Variants in MYT1L observed in about 807,000 individuals in gnomAD.
The protein encoded by MYT1L is myelin transcription factor 1 like.
Under a neutral mutation model 126.7 loss-of-function variants are expected in MYT1L, and 12 were observed. The observed-to-expected ratio is 0.09, with a 90% CI of 0.06 to 0.15. The LOEUF is 0.15. MYT1L is among the 10% of genes least tolerant of loss of function. The probability of loss-of-function intolerance (pLI) is 1.00; values close to 1 mark genes in which losing one functional copy is unlikely to be tolerated. For missense variants in MYT1L, 979 were observed against 1,585.2 expected (o/e 0.62, Z 6.49); for synonymous variants, 541 against 604.2 (o/e 0.90, Z 1.53).
chr2:2,241,517 C>T (rs1277451259), intron 2 of MYT1L, among the ~76,000 whole-genome samples: 1 of 152,192 alleles, frequency 6.6e-6, no homozygotes, highest in Admixed American at 6.5e-5. Flanking sequence ...AGCTGGGAGG[C>T]CACATGTTGC....
At position 1,979,673 on chromosome 2, in the gene MYT1L, A is replaced by G; in HGVS notation, c.55+50T>C. 1.2e-6 allele frequency: 2 copies of G among 1,611,984 alleles called. No individual in the cohort carries two copies. The highest frequency in any genetic ancestry group is 1.7e-6 in the Non-Finnish European group (2 of 1,178,110). ...TCAGAATCGACCTCAGTTCCGCAGG[A>G]TGAAGGTGACCCTGAGCCGGCCTCA... On this transcript the variant is annotated intron_variant, in intron 6 of 24. Transcript: ENST00000647738. The surrounding 1 kb of genome is among the most constrained non-coding windows in gnomAD (Gnocchi z 4.0).
chr2:2,043,027 G>T (rs1175142110), intron 4 of MYT1L, among the ~76,000 whole-genome samples: 1 of 152,158 alleles, frequency 6.6e-6, no homozygotes, highest in African/African-American at 2.4e-5. Flanking sequence ...CCTAAAACTT[G>T]TCAGCTGTGA....
intron 8 of MYT1L, among the ~76,000 whole-genome samples, chr2:1,973,925 C>T (rs1409020663): frequency 6.6e-6 from 1 of 152,220 alleles, no homozygotes. Context: ...CCTTCCCAGC[C>T]AGCAAACTGC....
intron 2 of MYT1L, among the ~76,000 whole-genome samples, chr2:2,277,665 A>G (rs2095384192): frequency 6.6e-6 from 1 of 152,232 alleles, no homozygotes; most frequent in African/African-American, 2.4e-5. Flanking sequence ...AAAAGAAATA[A>G]TTACAGGATT....
At chr2:2,211,540 G>A (rs2093507365) in intron 2 of MYT1L, among the ~76,000 whole-genome samples, 1 of 152,072 alleles carries the variant, frequency 6.6e-6, no homozygotes, top group African/African-American at 2.4e-5. Context: ...AGGTGCAGTG[G>A]CTCATGCCTG....
At chr2:2,165,305 C>A (rs539265039) in intron 3 of MYT1L, among the ~76,000 whole-genome samples, 2 of 149,300 alleles carry the variant, frequency 1.3e-5, no homozygotes, top group Non-Finnish European at 1.5e-5. Context: ...CACACACACA[C>A]ACGTGCACAC....
chr2:2,113,246 G>A (rs1321849439), intron 3 of MYT1L, among the ~76,000 whole-genome samples: 3 of 152,180 alleles, frequency 2.0e-5, no homozygotes, highest in Non-Finnish European at 4.4e-5. Flanking sequence ...TGATAAACAA[G>A]CATCCTAAAA....
At chr2:2,077,200 T>G (rs1330978598) in intron 3 of MYT1L, among the ~76,000 whole-genome samples, 1 of 152,084 alleles carries the variant, frequency 6.6e-6, no homozygotes, top group Non-Finnish European at 1.5e-5. Flanking sequence ...CTTACAGATC[T>G]CTGGGACACC....
intron 21 of MYT1L, among the ~76,000 whole-genome samples, chr2:1,822,740 G>A (rs1368040667): frequency 6.8e-6 from 1 of 146,894 alleles, no homozygotes; most frequent in African/African-American, 2.6e-5. Context: ...AGAAGCCACC[G>A]CCTCATGGCT....
intron 19 of MYT1L, among the ~76,000 whole-genome samples, chr2:1,845,270 C>G (rs2042347230): frequency 6.6e-6 from 1 of 152,122 alleles, no homozygotes; most frequent in Non-Finnish European, 1.5e-5. Flanking sequence ...TACCACCGCA[C>G]CCAGCCACCA....
intron 2 of MYT1L, among the ~76,000 whole-genome samples, chr2:2,211,957 T>G (rs1395051967): frequency 6.6e-6 from 1 of 152,076 alleles, no homozygotes. Context: ...CTCATAAATC[T>G]ATTCACTGAG....
chr2:2,020,516 T>C (rs1412960374), intron 4 of MYT1L, among the ~76,000 whole-genome samples: 1 of 152,228 alleles, frequency 6.6e-6, no homozygotes, highest in Non-Finnish European at 1.5e-5. Context: ...ACAGATTATC[T>C]GAGTCAGAAT....
At chr2:1,959,258 C>T (rs1353499523) in intron 8 of MYT1L, among the ~76,000 whole-genome samples, 4 of 152,298 alleles carry the variant, frequency 2.6e-5, no homozygotes, top group East Asian at 1.9e-4. Context: ...TCCTGGTCCA[C>T]GTGCCTTAAG....
intron 8 of MYT1L, among the ~76,000 whole-genome samples, chr2:1,956,556 C>T (rs2058463042): frequency 7.1e-6 from 1 of 140,892 alleles, no homozygotes; most frequent in African/African-American, 2.7e-5. Context: ...TATCATCTAT[C>T]CTATTCTATA....
intron 2 of MYT1L, among the ~76,000 whole-genome samples, chr2:2,232,299 G>T: frequency 6.6e-6 from 1 of 152,232 alleles, no homozygotes. Flanking sequence ...CCAGCCGGGA[G>T]GCTTGGGTCA....
At chr2:1,845,721 T>C (rs12618697) in intron 19 of MYT1L, among the ~76,000 whole-genome samples, 53,661 of 152,096 alleles carry the variant, frequency 0.35, 9,766 homozygotes, top group East Asian at 0.66. Flanking sequence ...ATACCCGTTT[T>C]CCAGCAAATA....
At chr2:1,854,454 T>C (rs1038971735) in intron 18 of MYT1L, among the ~76,000 whole-genome samples, 3 of 152,198 alleles carry the variant, frequency 2.0e-5, no homozygotes, top group Admixed American at 2.0e-4. Flanking sequence ...GTTATGAGAT[T>C]AACGGAAAAT....
chr2:1,973,877 G>A (rs772422740), intron 8 of MYT1L, among the ~76,000 whole-genome samples: 8 of 152,296 alleles, frequency 5.3e-5, no homozygotes, highest in East Asian at 1.9e-4. Flanking sequence ...CTCAAACCAC[G>A]CACTTTGGGC....
chr2:1,999,298 A>C (rs1301511026), intron 4 of MYT1L, among the ~76,000 whole-genome samples: 2 of 152,188 alleles, frequency 1.3e-5, no homozygotes. Flanking sequence ...CTGGCTCCCT[A>C]CATATGAATG....
Sources: allele counts gnomAD v4.1 joint callset (sites outside exome capture counted in the v4.1 genomes callset), GRCh38; gene constraint gnomAD v4.1.1; non-coding constraint Gnocchi (gnomAD v3.1); transcripts MANE v1.5; gene names NCBI Gene and HGNC (gene_info 2026-07-23, HGNC 2026-07-21).